Variants in ADAM23 observed in about 807,000 individuals in gnomAD.
The protein encoded by ADAM23 is ADAM metallopeptidase domain 23.
ADAM23 carries 33 observed loss-of-function variants against 120.1 expected under a neutral mutation model. The observed-to-expected ratio is 0.27, with a 90% CI of 0.21 to 0.37. The LOEUF (loss-of-function observed/expected upper bound fraction) is 0.37, where lower values mean the gene tolerates loss of function less well. ADAM23 is among the 10% of genes least tolerant of loss of function. ADAM23 has a pLI of 1.00. For synonymous variants in ADAM23, 367 were observed against 375.2 expected, an observed-to-expected ratio of 0.98 and a Z score of 0.25; for missense variants, 862 against 1,058.2, an observed-to-expected ratio of 0.81 and a Z score of 2.57.
At chr2:206,579,107 A>T (rs1001139459) in intron 18 of ADAM23, among the ~76,000 whole-genome samples, 1 of 151,640 alleles carries the variant, frequency 6.6e-6, no homozygotes, top group Non-Finnish European at 1.5e-5. Flanking sequence ...GATTTGTTTG[A>T]GTTCATTGTA....
intron 6 of ADAM23, among the ~76,000 whole-genome samples, chr2:206,547,065 G>T (rs1697413543): frequency 6.6e-6 from 1 of 151,864 alleles, no homozygotes; most frequent in South Asian, 2.1e-4. Flanking sequence ...TCAGTTTTAT[G>T]GCAAAAGTTG....
chr2:206,515,725 T>C lies in ADAM23; in HGVS notation c.510-15160T>C, dbSNP rs573021509. Among the ~76,000 whole-genome samples the C allele has an allele frequency of 2.0e-5, 3 of 152,290 alleles. No homozygotes were observed. The East Asian group carries it at 5.8e-4, about 29-fold the overall frequency. On this transcript the variant is annotated intron_variant, in intron 3 of 25. Transcript: ENST00000264377. The stretch of plus-strand genomic sequence containing the variant: ...AAATGGACTCCTATGTGAACACTTT[T>C]AGACTGGAGTCTAAAAGTGGCCTAA...
At chr2:206,585,117 G>C (rs980030090) in intron 18 of ADAM23, among the ~76,000 whole-genome samples, 6 of 152,290 alleles carry the variant, frequency 3.9e-5, no homozygotes, top group African/African-American at 1.4e-4. Context: ...AGGGTCTGTA[G>C]GTCCTCTTGG....
At chr2:206,535,032 T>C (rs1697142846) in intron 4 of ADAM23, among the ~76,000 whole-genome samples, 2 of 151,940 alleles carry the variant, frequency 1.3e-5, no homozygotes, top group Non-Finnish European at 2.9e-5. Flanking sequence ...CTTCTCTGAA[T>C]TGTACTGTGG....
chr2:206,613,610 C>A (rs143364455), intron 25 of ADAM23, among the ~76,000 whole-genome samples: 2 of 152,170 alleles, frequency 1.3e-5, no homozygotes, highest in African/African-American at 2.4e-5. Context: ...TTGCAAACCT[C>A]TGTCCTAGTT....
intron 2 of ADAM23, among the ~76,000 whole-genome samples, chr2:206,478,631 G>A (rs901229326): frequency 1.3e-5 from 2 of 152,062 alleles, no homozygotes; most frequent in Non-Finnish European, 2.9e-5. Context: ...TCTTGTTTGC[G>A]ATCATAAATG....
rs56206262 is a variant in ADAM23, at chr2:206,530,669, C to CTTTTTTTT, written c.510-201_510-194dup. On this transcript the variant is annotated intron_variant, in intron 3 of 25. Transcript: ENST00000264377. ...CACCGTTGGATTGTCTGTGTCTTGT[C>CTTTTTTTT]TTTTTTTTTTTTTTTTTTTTTTCTG... is the stretch of plus-strand genomic sequence containing the variant. 6.7e-5 allele frequency among the ~76,000 whole-genome samples: 5 copies of CTTTTTTTT among 74,836 alleles called. 1 individual carries two copies. Among genetic ancestry groups the CTTTTTTTT allele is most frequent in the South Asian group, 1.0e-3 (2 of 1,916 alleles). 49.1% of individuals were successfully genotyped at this position (74,836 alleles called of 152,430 possible).
At chr2:206,482,521 T>C (rs975876053) in intron 3 of ADAM23, among the ~76,000 whole-genome samples, 28 of 152,174 alleles carry the variant, frequency 1.8e-4, no homozygotes, top group African/African-American at 6.3e-4. Flanking sequence ...CAATAAAATA[T>C]CTCAGCCATA....
At chr2:206,575,687 A>G (rs1046800654) in intron 18 of ADAM23, among the ~76,000 whole-genome samples, 2 of 152,186 alleles carry the variant, frequency 1.3e-5, no homozygotes, top group African/African-American at 4.8e-5. Context: ...TATCTTTAAG[A>G]TCCCAGTTCA....
At chr2:206,588,229 TGA>T (rs1342949530) in intron 20 of ADAM23, 75 bp downstream of exon 20, 4 of 1,461,714 alleles carry the variant, frequency 2.7e-6, no homozygotes, top group Non-Finnish European at 3.8e-6. Context: ...CCAGTCTTGC[TGA>T]GAGAGATGCA....
At chr2:206,494,183 A>G (rs1156931980) in intron 3 of ADAM23, among the ~76,000 whole-genome samples, 2 of 152,218 alleles carry the variant, frequency 1.3e-5, no homozygotes. Flanking sequence ...ATAATTAATT[A>G]TAGTCACCAT....
At chr2:206,508,655 CAA>C (rs34489352) in intron 3 of ADAM23, among the ~76,000 whole-genome samples, 107 of 100,850 alleles carry the variant, frequency 1.1e-3, no homozygotes, top group Middle Eastern at 5.7e-3. Context: ...ACTCTGTCTC[CAA>C]AAAAAAAAAA....
At chr2:206,444,104 G>C (rs1197712445) in intron 1 of ADAM23, 24 bp downstream of exon 1, 5 of 1,272,426 alleles carry the variant, frequency 3.9e-6, no homozygotes, top group Non-Finnish European at 5.0e-6. Context: ...CGTGCCCTTT[G>C]CGTTGGCTTT....
At chr2:206,542,643 A>G (rs1357411780) in intron 5 of ADAM23, among the ~76,000 whole-genome samples, 1 of 152,130 alleles carries the variant, frequency 6.6e-6, no homozygotes, top group Non-Finnish European at 1.5e-5. Flanking sequence ...CACCTCATAT[A>G]AAGACTTAGT....
chr2:206,594,995 A>G, intron 23 of ADAM23, 90 bp downstream of exon 23: 19 of 1,501,552 alleles, frequency 1.3e-5, no homozygotes, highest in Middle Eastern at 1.9e-4. Flanking sequence ...CTCCTAGCCA[A>G]CATGGTGAAA....
At position 206,565,101 on chromosome 2, in the gene ADAM23, G is replaced by A. The variant is rs772062123; in HGVS notation, c.1394+33G>A. On this transcript the variant is annotated intron_variant, in intron 14 of 25. Coordinates refer to ENST00000264377, the MANE Select transcript of ADAM23 (RefSeq NM_003812.4). ...TTCATTATGCGTGCATTTGATATAT[G>A]CCTTTTGCTAAAATTGCTGTGTAGA... is the stretch of plus-strand genomic sequence containing the variant. 8.7e-6 allele frequency: 14 copies of A among 1,609,768 alleles called. No homozygotes were observed. The East Asian group carries it at 2.2e-4, about 26-fold the overall frequency.
chr2:206,598,967 G>A (rs1261196409), intron 24 of ADAM23, among the ~76,000 whole-genome samples: 3 of 151,336 alleles, frequency 2.0e-5, no homozygotes, highest in Non-Finnish European at 4.4e-5. Flanking sequence ...CACTTTGGGA[G>A]GCCCAGGCAG....
intron 6 of ADAM23, among the ~76,000 whole-genome samples, chr2:206,546,761 C>T (rs1170947780): frequency 6.6e-6 from 1 of 152,084 alleles, no homozygotes; most frequent in East Asian, 1.9e-4. Context: ...ATAAACCATG[C>T]ACTATATGGC....
At chr2:206,566,350 T>C (rs1176236807) in intron 14 of ADAM23, among the ~76,000 whole-genome samples, 2 of 152,138 alleles carry the variant, frequency 1.3e-5, no homozygotes, top group Non-Finnish European at 2.9e-5. Flanking sequence ...TAAACTACCT[T>C]CATACATCAG....
Sources: allele counts gnomAD v4.1 joint callset (sites outside exome capture counted in the v4.1 genomes callset), GRCh38; gene constraint gnomAD v4.1.1; transcripts MANE v1.5; gene names NCBI Gene and HGNC (gene_info 2026-07-23, HGNC 2026-07-21).